The following LRP1B variants were observed in gnomAD, a reference collection of about 807,000 sequenced individuals.
The protein encoded by LRP1B is LDL receptor related protein 1B.
Under a neutral mutation model 556.6 loss-of-function variants are expected in LRP1B, and 217 were observed. The ratio of observed to expected loss-of-function variants is 0.39; its 90% CI spans 0.35 to 0.44. LRP1B has a LOEUF of 0.44. LRP1B is among the 20% of genes least tolerant of loss of function. The pLI, the probability that LRP1B is intolerant of heterozygous loss-of-function variation, is 1.00. For synonymous variants in LRP1B, 2,047 were observed against 1,865.8 expected, an observed-to-expected ratio of 1.10 and a Z score of -2.50; for missense variants, 5,053 against 5,620.8, an observed-to-expected ratio of 0.90 and a Z score of 3.23.
chr2:140,847,770 AAAAAAAG>A (rs1692318697), intron 29 of LRP1B, among the ~76,000 whole-genome samples: 1 of 64,848 alleles, frequency 1.5e-5, no homozygotes. Flanking sequence ...ATCTAAAAAA[AAAAAAAG>A]AAGAAAGAAA....
chr2:140,608,106 G>A (rs1682936857), intron 41 of LRP1B, among the ~76,000 whole-genome samples: 2 of 151,784 alleles, frequency 1.3e-5, no homozygotes, highest in Admixed American at 1.3e-4. Flanking sequence ...ATTAAAACAA[G>A]AAGCAATTAA....
At chr2:141,487,179 C>T (rs1223949866) in intron 2 of LRP1B, among the ~76,000 whole-genome samples, 1 of 152,128 alleles carries the variant, frequency 6.6e-6, no homozygotes, top group Non-Finnish European at 1.5e-5. Flanking sequence ...CATTTCTTTT[C>T]CTGCAACTTT....
chr2:141,617,321 G>C (rs1190175890), intron 2 of LRP1B, among the ~76,000 whole-genome samples: 1 of 152,170 alleles, frequency 6.6e-6, no homozygotes, highest in African/African-American at 2.4e-5. Flanking sequence ...TATGTGTACT[G>C]TTGCTATGTA....
chr2:140,898,273 G>T (rs1694007296), intron 23 of LRP1B: 1 of 152,886 alleles, frequency 6.5e-6, no homozygotes, highest in African/African-American at 2.4e-5. Context: ...TCTTCATTCT[G>T]AAGGTTTCTG....
intron 2 of LRP1B, among the ~76,000 whole-genome samples, chr2:141,591,429 T>C (rs1687335199): frequency 6.9e-6 from 1 of 145,504 alleles, no homozygotes; most frequent in Admixed American, 7.1e-5. Flanking sequence ...AAAAAAAAAA[T>C]CGATTAAAAT....
At chr2:140,830,091 A>G (rs1559143704) in intron 31 of LRP1B, among the ~76,000 whole-genome samples, 1 of 152,060 alleles carries the variant, frequency 6.6e-6, no homozygotes, top group South Asian at 2.1e-4. Flanking sequence ...ACCAGTAATG[A>G]GTAATGAGAT....
chr2:140,528,571 T>C (rs7575460), intron 47 of LRP1B, among the ~76,000 whole-genome samples: 26,908 of 151,612 alleles, frequency 0.18, 2,605 homozygotes, highest in Non-Finnish European at 0.23. Context: ...TCAGAGTGTG[T>C]AAGAGGTGCA....
At chr2:142,123,548 T>A (rs1360565628) in intron 1 of LRP1B, among the ~76,000 whole-genome samples, 1 of 151,898 alleles carries the variant, frequency 6.6e-6, no homozygotes, top group Non-Finnish European at 1.5e-5. Flanking sequence ...GACAATGAGG[T>A]GTATGCAACT....
intron 11 of LRP1B, among the ~76,000 whole-genome samples, chr2:141,043,157 C>T (rs1044970320): frequency 6.6e-6 from 1 of 150,444 alleles, no homozygotes; most frequent in Non-Finnish European, 1.5e-5. Context: ...GAGTCGTGAT[C>T]ACACCACTGC....
intron 59 of LRP1B, 77 bp from the exon 60 acceptor site, chr2:140,475,414 G>C: frequency 1.8e-6 from 2 of 1,091,988 alleles, no homozygotes; most frequent in Non-Finnish European, 1.3e-6. Context: ...TTACTTTTTT[G>C]CTCAACTGTT....
At chr2:140,526,882 A>G (rs1392504903) in intron 47 of LRP1B, among the ~76,000 whole-genome samples, 1 of 151,696 alleles carries the variant, frequency 6.6e-6, no homozygotes, top group Admixed American at 6.6e-5. Flanking sequence ...AAACAAAGAG[A>G]TGGGCAGGGG....
At chr2:140,391,122 A>G (rs1236825262) in intron 66 of LRP1B, among the ~76,000 whole-genome samples, 2 of 152,152 alleles carry the variant, frequency 1.3e-5, no homozygotes, top group Non-Finnish European at 2.9e-5. Flanking sequence ...CAAACTTATC[A>G]TAACTATTAA....
At chr2:140,997,255 G>T (rs1414949268) in intron 15 of LRP1B, among the ~76,000 whole-genome samples, 1 of 151,898 alleles carries the variant, frequency 6.6e-6, no homozygotes, top group Non-Finnish European at 1.5e-5. Context: ...GCCTATGCAT[G>T]AATCTCCAAG....
Position 140,523,340 on chromosome 2 carries a change from A to G in LRP1B, c.8026+2504T>C, listed in dbSNP as rs778857225. Among the ~76,000 whole-genome samples the G allele has an allele frequency of 5.1e-4, 78 of 151,876 alleles. 1 individual carries two copies. The highest frequency in any genetic ancestry group is 9.7e-4 in the Non-Finnish European group (66 of 67,878). On this transcript the variant is annotated intron_variant, in intron 49 of 90. Transcript: ENST00000389484. Reference sequence around the variant, plus strand: ...CAGAAAAAGCATTCAATAAAATCCAATATCGCTTCATGATAACAATCCTCG... The same window carrying G: ...CAGAAAAAGCATTCAATAAAATCCAGTATCGCTTCATGATAACAATCCTCG...
At chr2:141,438,654 C>T (rs1253820192) in intron 3 of LRP1B, among the ~76,000 whole-genome samples, 21 of 152,082 alleles carry the variant, frequency 1.4e-4, no homozygotes, top group Admixed American at 1.4e-3. Flanking sequence ...AACAAGGGTA[C>T]ACCTATAATA....
chr2:141,856,021 A>C (rs567598244), intron 1 of LRP1B, among the ~76,000 whole-genome samples: 1 of 152,318 alleles, frequency 6.6e-6, no homozygotes, highest in Admixed American at 6.5e-5. Flanking sequence ...TGAGTGTGCT[A>C]TGTAAATGCA....
intron 2 of LRP1B, among the ~76,000 whole-genome samples, chr2:141,739,810 C>A (rs1693630135): frequency 6.6e-6 from 1 of 151,854 alleles, no homozygotes; most frequent in East Asian, 1.9e-4. Context: ...TATTGTTCAC[C>A]CTGAAATATC....
chr2:140,498,899 G>A (rs190563426), intron 55 of LRP1B, among the ~76,000 whole-genome samples: 93 of 151,908 alleles, frequency 6.1e-4, no homozygotes, highest in Middle Eastern at 3.4e-3. Flanking sequence ...CATCCTGAAT[G>A]TTTGTACAAG....
intron 2 of LRP1B, among the ~76,000 whole-genome samples, chr2:141,709,481 A>T (rs1898427): frequency 6.6e-6 from 1 of 152,220 alleles, no homozygotes; most frequent in Non-Finnish European, 1.5e-5. Context: ...TGCATTTTGT[A>T]AAGATACCGA....
Sources: gnomAD v4.1 joint callset for allele counts (sites outside exome capture counted in the v4.1 genomes callset) on GRCh38, gnomAD v4.1.1 for gene constraint, MANE v1.5 for transcripts, NCBI Gene and HGNC (gene_info 2026-07-23, HGNC 2026-07-21) for gene names.